PARG: variants seen among roughly 807,000 people sequenced by gnomAD.
PARG encodes the protein mitochondrial poly(ADP-ribose) glycohydrolase.
A neutral mutation model predicts 113.0 loss-of-function variants in PARG; 35 were observed. The ratio of observed to expected loss-of-function variants is 0.31; its 90% confidence interval spans 0.24 to 0.41. The LOEUF is 0.41. Among genes scored for constraint, PARG ranks in the 10% least tolerant of loss-of-function variants. The probability of loss-of-function intolerance (pLI) is 1.00; values close to 1 mark genes in which losing one functional copy is unlikely to be tolerated. For missense variants in PARG, 797 were observed against 1,169.4 expected (o/e 0.68, Z 4.64); for synonymous variants, 330 against 409.9 (o/e 0.81, Z 2.36).
intron 16 of PARG, among the ~76,000 whole-genome samples, chr10:49,830,190 A>C (rs1045204604): frequency 1.3e-5 from 2 of 152,238 alleles, no homozygotes; most frequent in Non-Finnish European, 2.9e-5. Context: ...CACATTTATA[A>C]AGCTTTCCAA....
intron 16 of PARG, among the ~76,000 whole-genome samples, chr10:49,832,070 C>T (rs939693359): frequency 1.3e-5 from 2 of 152,166 alleles, no homozygotes; most frequent in South Asian, 4.1e-4. Flanking sequence ...AAGTAATCAT[C>T]CTAAGTAATG....
At chr10:49,895,034 G>A (rs1216583959) in intron 7 of PARG, among the ~76,000 whole-genome samples, 4 of 152,064 alleles carry the variant, frequency 2.6e-5, no homozygotes, top group African/African-American at 9.7e-5. Flanking sequence ...TTGTCTCTGT[G>A]TCCTTTCCTT....
chr10:49,839,741 T>A (rs184048315), intron 15 of PARG, among the ~76,000 whole-genome samples: 1 of 152,356 alleles, frequency 6.6e-6, no homozygotes, highest in Admixed American at 6.5e-5. Flanking sequence ...AAGTGAATGA[T>A]CTAGTTCTCA....
intron 1 of PARG, among the ~76,000 whole-genome samples, chr10:49,940,525 T>C (rs1424234825): frequency 6.6e-6 from 1 of 150,824 alleles, no homozygotes; most frequent in Non-Finnish European, 1.5e-5. Flanking sequence ...TGTTTTGTTT[T>C]GTTTTGTTTG....
chr10:49,821,084 C>T (rs1312727251), intron 16 of PARG, among the ~76,000 whole-genome samples: 1 of 152,110 alleles, frequency 6.6e-6, no homozygotes, highest in African/African-American at 2.4e-5. Flanking sequence ...TGCACTCCCA[C>T]CTCCACTGGC....
At chr10:49,891,494 G>C (rs1336514789) in intron 7 of PARG, among the ~76,000 whole-genome samples, 1 of 146,076 alleles carries the variant, frequency 6.8e-6, no homozygotes, top group Admixed American at 6.8e-5. Flanking sequence ...TATATGAAAC[G>C]TCTAGGATGT....
At chr10:49,923,254 T>C (rs1218848805) in intron 4 of PARG, among the ~76,000 whole-genome samples, 3 of 152,102 alleles carry the variant, frequency 2.0e-5, no homozygotes, top group Non-Finnish European at 4.4e-5. Flanking sequence ...CTCTGCCAGA[T>C]TTTCATTATC....
chr10:49,917,819 G>GAA (rs782349676), intron 6 of PARG, among the ~76,000 whole-genome samples: 3 of 57,284 alleles, frequency 5.2e-5, no homozygotes, highest in East Asian at 4.8e-4. Flanking sequence ...TCCTGTCTCA[G>GAA]AAAAAAAAAA....
At chr10:49,832,988 T>C (rs959203857) in intron 15 of PARG, 80 bp from the exon 16 acceptor site, 5 of 636,988 alleles carry the variant, frequency 7.8e-6, no homozygotes, top group Non-Finnish European at 1.3e-5. Flanking sequence ...AGGATCAGTG[T>C]CCATTATCAA....
intron 13 of PARG, among the ~76,000 whole-genome samples, chr10:49,853,034 ATT>A (rs4012511): frequency 9.7e-5 from 13 of 133,788 alleles, no homozygotes; most frequent in Admixed American, 2.3e-4. Flanking sequence ...TAAAAAAAAA[ATT>A]TTTTTTTTTT....
At chr10:49,932,959 T>C (rs1838562832) in intron 3 of PARG, among the ~76,000 whole-genome samples, 1 of 152,222 alleles carries the variant, frequency 6.6e-6, no homozygotes, top group South Asian at 2.1e-4. Flanking sequence ...CTCATGAAAC[T>C]AAAAATCTGA....
intron 7 of PARG, among the ~76,000 whole-genome samples, chr10:49,905,251 T>C (rs1253832858): frequency 4.6e-5 from 7 of 152,290 alleles, no homozygotes; most frequent in Non-Finnish European, 7.3e-5. Context: ...TAGTGGAATG[T>C]CAGTAAATGT....
chr10:49,917,814 T>C (rs1554848079), intron 6 of PARG, among the ~76,000 whole-genome samples: 1 of 133,310 alleles, frequency 7.5e-6, no homozygotes, highest in African/African-American at 2.8e-5. Context: ...CAAGATCCTG[T>C]CTCAGAAAAA....
At chr10:49,819,595 T>A (rs1843966809) in intron 17 of PARG, 101 bp from the exon 18 acceptor site, 1 of 855,192 alleles carries the variant, frequency 1.2e-6, no homozygotes, top group Non-Finnish European at 1.8e-6. Flanking sequence ...TGGCATATGC[T>A]CAGACTTGGC....
intron 7 of PARG, among the ~76,000 whole-genome samples, chr10:49,889,984 C>T (rs1391622676): frequency 3.9e-5 from 6 of 152,138 alleles, no homozygotes; most frequent in Admixed American, 2.0e-4. Context: ...ACCTGTACAA[C>T]GCAAACTGGG....
intron 16 of PARG, among the ~76,000 whole-genome samples, chr10:49,822,500 A>G (rs1312252544): frequency 6.6e-6 from 1 of 152,204 alleles, no homozygotes; most frequent in Non-Finnish European, 1.5e-5. Flanking sequence ...GAAACAAAAA[A>G]CAGACGGGCC....
At chr10:49,848,082 G>A (rs1292759711) in intron 13 of PARG, among the ~76,000 whole-genome samples, 1 of 152,038 alleles carries the variant, frequency 6.6e-6, no homozygotes, top group Non-Finnish European at 1.5e-5. Flanking sequence ...CAGGCGGGGT[G>A]GCTCATGCCT....
chr10:49,915,382 A>G (rs1474456785), intron 7 of PARG, among the ~76,000 whole-genome samples: 2 of 152,146 alleles, frequency 1.3e-5, no homozygotes, highest in Non-Finnish European at 2.9e-5. Flanking sequence ...GTACTATGAA[A>G]GTGATATTCT....
chr10:49,903,672 C>T (rs1356392120), intron 7 of PARG, among the ~76,000 whole-genome samples: 1 of 151,700 alleles, frequency 6.6e-6, no homozygotes, highest in Non-Finnish European at 1.5e-5. Context: ...AAAAAGGATA[C>T]TCAGAGGAGA....
Sources: allele counts gnomAD v4.1 joint callset (sites outside exome capture counted in the v4.1 genomes callset), GRCh38; gene constraint gnomAD v4.1.1; transcripts MANE v1.5; gene names NCBI Gene and HGNC (gene_info 2026-07-23, HGNC 2026-07-21).